Variants in MYO5C observed in about 807,000 individuals in gnomAD.
The protein encoded by MYO5C is unconventional myosin-Vc.
In MYO5C, 194 loss-of-function variants were observed where a neutral mutation model predicts 235.7. The ratio of observed to expected loss-of-function variants is 0.82; its 90% CI spans 0.73 to 0.93. MYO5C has a LOEUF of 0.93. MYO5C is among the 40% of genes least tolerant of loss of function. The pLI is 0.00. For missense variants in MYO5C, 2,038 were observed against 2,127.2 expected (o/e 0.96, Z 0.82); for synonymous variants, 707 against 754.8 (o/e 0.94, Z 1.04).
intron 23 of MYO5C, 97 bp downstream of exon 23, chr15:52,235,573 C>CA: frequency 1.1e-6 from 1 of 906,788 alleles, no homozygotes. Context: ...ACTAAGTGTA[C>CA]ACCAGAGACC....
intron 1 of MYO5C, among the ~76,000 whole-genome samples, chr15:52,294,802 G>A (rs2037463333): frequency 6.6e-6 from 1 of 152,212 alleles, no homozygotes; most frequent in African/African-American, 2.4e-5. Flanking sequence ...TCCGAGGTAA[G>A]AGGTGGAGCC....
intron 36 of MYO5C, among the ~76,000 whole-genome samples, chr15:52,208,123 G>A (rs2035362333): frequency 6.6e-6 from 1 of 152,182 alleles, no homozygotes; most frequent in African/African-American, 2.4e-5. Context: ...AGTACTTGAA[G>A]GTGGAGAACT....
At chr15:52,205,484 T>G in intron 37 of MYO5C, 1 of 337,876 alleles carries the variant, frequency 3.0e-6, no homozygotes, top group Non-Finnish European at 5.4e-6. Context: ...AAGGAAAGTA[T>G]ACAAGAATTC....
At position 52,251,464 on chromosome 15, in the gene MYO5C, C is replaced by A. The variant is rs779902539; in HGVS notation, c.1588G>T (p.Val530Phe). Residue 530 changes from valine to phenylalanine, a missense_variant, in exon 13 of 41, where the codon GTC becomes TTC. Val to Phe is a conservative substitution (Grantham distance 50). Coordinates refer to ENST00000261839, the MANE Select transcript of MYO5C (RefSeq NM_018728.4). ...TTTTCAAACAAAGGGTTCCTGTTGACAAAATTATTATACAGCTTTTGAAGC... is the reference window on the plus strand; with the variant it reads ...TTTTCAAACAAAGGGTTCCTGTTGAAAAAATTATTATACAGCTTTTGAAGC... ...NWLQKLYNNF[V>F]NRNPLFEKPR... is the part of the protein sequence containing the mutation. 6.2e-6 allele frequency: 10 copies of A among 1,605,474 alleles called. No homozygotes were observed. The South Asian group carries it at 1.0e-4, about 16-fold the overall frequency.
chr15:52,201,509 T>C (rs1038715738), intron 38 of MYO5C, among the ~76,000 whole-genome samples: 1 of 152,104 alleles, frequency 6.6e-6, no homozygotes. Context: ...ACAAAACTGC[T>C]CTAAAAGGAA....
At chr15:52,264,752 G>A (rs1002161746) in intron 8 of MYO5C, among the ~76,000 whole-genome samples, 5 of 152,186 alleles carry the variant, frequency 3.3e-5, no homozygotes, top group African/African-American at 4.8e-5. Context: ...AAACCAAGGC[G>A]ATGGCCTTTC....
chr15:52,274,304 G>T (rs1308841523), intron 5 of MYO5C, among the ~76,000 whole-genome samples: 1 of 152,078 alleles, frequency 6.6e-6, no homozygotes, highest in Non-Finnish European at 1.5e-5. Flanking sequence ...TTTGAGATGG[G>T]GTCCTGCTCT....
At position 52,192,826 on chromosome 15, in the gene MYO5C, TG is replaced by T. The variant is rs2141249331; in HGVS notation, c.*1075del. 6.6e-6 allele frequency: 1 copy of T among 151,238 alleles called. No homozygotes were observed. The highest frequency in any genetic ancestry group is 1.9e-4 in the East Asian group (1 of 5,184). The allele number at this position is 151,238 out of a possible 1,614,324, so 9.4% of individuals were successfully genotyped here. Reference sequence around the variant, plus strand: ...TTAGGTTGCTTTTTCAATCTGAGGTTGTTTTAAAAAAGTTATTGTATGAAAG... The same window carrying T: ...TTAGGTTGCTTTTTCAATCTGAGGTTTTTTAAAAAAGTTATTGTATGAAAG... On this transcript the variant is annotated 3_prime_UTR_variant, in exon 41 of 41. Transcript: ENST00000261839.
chr15:52,249,060 C>A (rs1456213535), intron 13 of MYO5C, among the ~76,000 whole-genome samples: 1 of 152,208 alleles, frequency 6.6e-6, no homozygotes, highest in Non-Finnish European at 1.5e-5. Context: ...TTGCTCCCTG[C>A]GGTATGTGCA....
In MYO5C at chr15:52,247,457, C is replaced by T; in HGVS notation, c.1881+1G>A. On this transcript the variant is annotated splice_donor_variant, in intron 15 of 40. Coordinates refer to ENST00000261839, the MANE Select transcript of MYO5C (RefSeq NM_018728.4). LOFTEE classifies it high-confidence loss of function. ...CTCACTCTCAAACACCTTCTCAGTA[C>T]CTTGCTCCCAACTGTGGTCCGGAAA... is the stretch of plus-strand genomic sequence containing the variant. 1 of 1,614,064 alleles carries T rather than the reference C, an allele frequency of 6.2e-7. No homozygotes were observed. The highest frequency in any genetic ancestry group is 8.5e-7 in the Non-Finnish European group (1 of 1,179,950).
At chr15:52,222,373 G>A (rs1409998534) in intron 29 of MYO5C, among the ~76,000 whole-genome samples, 2 of 152,176 alleles carry the variant, frequency 1.3e-5, no homozygotes, top group Non-Finnish European at 1.5e-5. Context: ...CTACAGCCCC[G>A]AGATTTCCTA....
In MYO5C at chr15:52,205,085, G is replaced by A. The variant is rs1248844551; in HGVS notation, c.4600C>T (p.Arg1534Trp). ...GISGLKPTGFRKRSSSIDDTD... is the reference protein window; with the variant it reads ...GISGLKPTGFWKRSSSIDDTD... ...TCGTCTATGCTAGAGGAGCGCTTCC[G>A]GAAGCCTGTGGGCTTCAGGCCGGAA... is the stretch of plus-strand genomic sequence containing the variant. Residue 1534 changes from arginine to tryptophan, a missense_variant, in exon 38 of 41, where the codon CGG (arginine) becomes TGG (tryptophan). By Grantham distance (101) the Arg-to-Trp change is moderately radical. Coordinates refer to ENST00000261839, the MANE Select transcript of MYO5C (RefSeq NM_018728.4). The A allele has an allele frequency of 1.9e-6, 3 of 1,614,066 alleles. No homozygotes were observed. Among genetic ancestry groups the A allele is most frequent in the Admixed American group, 1.7e-5 (1 of 60,008 alleles).
At chr15:52,217,786 G>C (rs2035588817) in intron 32 of MYO5C, among the ~76,000 whole-genome samples, 1 of 152,334 alleles carries the variant, frequency 6.6e-6, no homozygotes, top group Non-Finnish European at 1.5e-5. Context: ...TCAGCAGGGA[G>C]AAGGGTACGT....
At chr15:52,265,820 T>C (rs1405556561) in intron 8 of MYO5C, among the ~76,000 whole-genome samples, 2 of 152,144 alleles carry the variant, frequency 1.3e-5, no homozygotes, top group Non-Finnish European at 2.9e-5. Flanking sequence ...AATGAGCCAC[T>C]GCACCTGGCC....
chr15:52,214,738 C>CTG, intron 32 of MYO5C, 48 bp from the exon 33 acceptor site: 1 of 1,202,750 alleles, frequency 8.3e-7, no homozygotes, highest in Non-Finnish European at 1.1e-6. Context: ...GCACTTTAAT[C>CTG]TATTTTTTTT....
chr15:52,195,366 A>T lies in MYO5C; in HGVS notation c.5076+11T>A. 6.3e-7 allele frequency: 1 copy of T among 1,588,584 alleles called. No individual in the cohort carries two copies. The highest frequency in any genetic ancestry group is 8.6e-7 in the Non-Finnish European group (1 of 1,160,134). On this transcript the variant is annotated intron_variant, in intron 40 of 40. Coordinates refer to ENST00000261839, the MANE Select transcript of MYO5C (RefSeq NM_018728.4). ...AAGTAAAATTAAAAGGCACATCCTTAAGAATCTCACCTGTACTTTGCGAAC... is the reference window on the plus strand; with the variant it reads ...AAGTAAAATTAAAAGGCACATCCTTTAGAATCTCACCTGTACTTTGCGAAC...
chr15:52,215,870 C>A (rs2035540485), intron 32 of MYO5C, among the ~76,000 whole-genome samples: 1 of 152,198 alleles, frequency 6.6e-6, no homozygotes. Flanking sequence ...ATCATTTTAA[C>A]AGCCAAGTCA....
chr15:52,210,119 G>C (rs540839839), intron 35 of MYO5C, among the ~76,000 whole-genome samples: 6 of 151,894 alleles, frequency 4.0e-5, no homozygotes, highest in African/African-American at 1.4e-4. Flanking sequence ...ACACACCACC[G>C]CACCTGGCCA....
chr15:52,273,523 TG>T (rs972633080), intron 5 of MYO5C, among the ~76,000 whole-genome samples: 1 of 152,086 alleles, frequency 6.6e-6, no homozygotes, highest in Non-Finnish European at 1.5e-5. Flanking sequence ...GTGGAGCCCC[TG>T]GGAGTGGGAT....
Sources: allele counts gnomAD v4.1 joint callset (sites outside exome capture counted in the v4.1 genomes callset), GRCh38; gene constraint gnomAD v4.1.1; transcripts MANE v1.5; gene names NCBI Gene and HGNC (gene_info 2026-07-23, HGNC 2026-07-21).